KHDRBS2: variants seen among roughly 807,000 people sequenced by gnomAD.
KHDRBS2 encodes the protein KH domain-containing, RNA-binding, signal transduction-associated protein 2.
Under a neutral mutation model 44.3 loss-of-function variants are expected in KHDRBS2, and 26 were observed. The ratio of observed to expected loss-of-function variants is 0.59; its 90% CI spans 0.43 to 0.81. KHDRBS2 has a LOEUF of 0.81. Ranked by LOEUF, KHDRBS2 falls within the 40% of genes least tolerant of loss-of-function variation. The pLI, the probability that KHDRBS2 is intolerant of heterozygous loss-of-function variation, is 0.00. For missense variants in KHDRBS2, 476 were observed against 433.1 expected, an observed-to-expected ratio of 1.10 and a Z score of -0.88; for synonymous variants, 194 against 151.1, an observed-to-expected ratio of 1.28 and a Z score of -2.08.
chr6:61,654,814 G>C, the KHDRBS2 span, among the ~76,000 whole-genome samples: 1 of 151,588 alleles, frequency 6.6e-6, no homozygotes, highest in Non-Finnish European at 1.5e-5. Context: ...CTGGGAACTG[G>C]AACTGTGGCA....
At chr6:61,640,782 C>A in the KHDRBS2 span, among the ~76,000 whole-genome samples, 2 of 152,142 alleles carry the variant, frequency 1.3e-5, no homozygotes, top group Admixed American at 1.3e-4. Flanking sequence ...GAAAACCTTT[C>A]TTGAATAGAC....
chr6:61,985,976 AG>A (rs1774984902), intron 3 of KHDRBS2, among the ~76,000 whole-genome samples: 1 of 152,214 alleles, frequency 6.6e-6, no homozygotes, highest in Non-Finnish European at 1.5e-5. Flanking sequence ...ATAGAACCAT[AG>A]AAACATTGGG....
rs141999532 is a variant in KHDRBS2 at position 61,814,700 on chromosome 6, A to G, written c.810+79935T>C. Among the ~76,000 whole-genome samples the G allele has an allele frequency of 7.5e-3, 1,149 of 152,288 alleles. 8 individuals carry two copies. The highest frequency in any genetic ancestry group is 0.011 in the Non-Finnish European group (780 of 68,016). ...AATTGTATGGGTTTGTTTGGGTTCA[A>G]ATGAGTGTGGTCAGGGGTGGGCATA... is the stretch of plus-strand genomic sequence containing the variant. On this transcript the variant is annotated intron_variant, in intron 6 of 8. Transcript: ENST00000281156.
At chr6:61,641,175 T>TATC in the KHDRBS2 span, among the ~76,000 whole-genome samples, 88 of 152,300 alleles carry the variant, frequency 5.8e-4, no homozygotes, top group Middle Eastern at 3.4e-3. Flanking sequence ...GTAAGTTCTG[T>TATC]ATCAGTCTCT....
intron 2 of KHDRBS2, among the ~76,000 whole-genome samples, chr6:62,073,954 C>T (rs1382740774): frequency 6.6e-6 from 1 of 151,802 alleles, no homozygotes; most frequent in Non-Finnish European, 1.5e-5. Context: ...TGCACTACTG[C>T]ACCAGAACTG....
chr6:62,273,611 T>C (rs1840437758), intron 1 of KHDRBS2, among the ~76,000 whole-genome samples: 1 of 152,194 alleles, frequency 6.6e-6, no homozygotes, highest in African/African-American at 2.4e-5. Flanking sequence ...CTAAGTGTCC[T>C]TTCTATTGCA....
At chr6:61,844,638 G>C (rs766113727) in intron 6 of KHDRBS2, among the ~76,000 whole-genome samples, 34 of 152,166 alleles carry the variant, frequency 2.2e-4, no homozygotes, top group Non-Finnish European at 4.0e-4. Flanking sequence ...TAACTCCAAT[G>C]ACCAGAACAG....
chr6:61,645,780 G>A, the KHDRBS2 span, among the ~76,000 whole-genome samples: 1 of 152,082 alleles, frequency 6.6e-6, no homozygotes, highest in East Asian at 1.9e-4. Context: ...TTAACATCAT[G>A]TTTCCAATAC....
At chr6:62,249,104 T>G (rs1836107677) in intron 1 of KHDRBS2, among the ~76,000 whole-genome samples, 1 of 152,182 alleles carries the variant, frequency 6.6e-6, no homozygotes, top group Non-Finnish European at 1.5e-5. Flanking sequence ...AAAAGATGCT[T>G]TGAAGATGTC....
At chr6:62,240,451 C>G (rs1213301663) in intron 1 of KHDRBS2, among the ~76,000 whole-genome samples, 1 of 151,428 alleles carries the variant, frequency 6.6e-6, no homozygotes, top group Non-Finnish European at 1.5e-5. Context: ...GTTTGTTGCT[C>G]TTGAGGTGTC....
At chr6:61,933,525 G>A (rs1237098997) in intron 4 of KHDRBS2, among the ~76,000 whole-genome samples, 1 of 152,068 alleles carries the variant, frequency 6.6e-6, no homozygotes, top group Admixed American at 6.5e-5. Flanking sequence ...ATGCCATTAG[G>A]TGGTTTCATC....
the KHDRBS2 span, among the ~76,000 whole-genome samples, chr6:61,621,444 C>G: frequency 1.3e-5 from 2 of 152,058 alleles, no homozygotes; most frequent in Non-Finnish European, 2.9e-5. Flanking sequence ...AGAAAGAGCC[C>G]CTTATCTCAT....
intron 6 of KHDRBS2, among the ~76,000 whole-genome samples, chr6:61,882,680 A>G (rs1000806488): frequency 6.6e-6 from 1 of 152,038 alleles, no homozygotes; most frequent in Non-Finnish European, 1.5e-5. Context: ...CCTTTGGATC[A>G]TAAGATATTA....
At chr6:62,138,680 T>G (rs979816262) in intron 2 of KHDRBS2, among the ~76,000 whole-genome samples, 10 of 152,186 alleles carry the variant, frequency 6.6e-5, no homozygotes, top group African/African-American at 2.4e-4. Flanking sequence ...CTAGAGATGG[T>G]TCCCTGTGAA....
At chr6:61,826,410 A>G (rs1017815386) in intron 6 of KHDRBS2, among the ~76,000 whole-genome samples, 2 of 152,052 alleles carry the variant, frequency 1.3e-5, no homozygotes, top group African/African-American at 4.8e-5. Flanking sequence ...CCAAGGTTTG[A>G]CAGTGGCTCC....
At chr6:62,035,362 G>A (rs1282479030) in intron 3 of KHDRBS2, among the ~76,000 whole-genome samples, 4 of 151,954 alleles carry the variant, frequency 2.6e-5, no homozygotes, top group Admixed American at 2.6e-4. Flanking sequence ...GGAAATTGAG[G>A]TGATTATGCC....
At chr6:61,865,403 C>T (rs1245522505) in intron 6 of KHDRBS2, among the ~76,000 whole-genome samples, 2 of 152,038 alleles carry the variant, frequency 1.3e-5, no homozygotes, top group Non-Finnish European at 2.9e-5. Flanking sequence ...TAAGTCATGT[C>T]TTATATGGAT....
intron 3 of KHDRBS2, among the ~76,000 whole-genome samples, chr6:61,983,759 T>C (rs1774459443): frequency 6.6e-6 from 1 of 152,306 alleles, no homozygotes; most frequent in Non-Finnish European, 1.5e-5. Flanking sequence ...GGACTTGTTT[T>C]GCAAACAAGA....
chr6:62,095,860 T>G (rs1329771729), intron 2 of KHDRBS2, among the ~76,000 whole-genome samples: 1 of 151,956 alleles, frequency 6.6e-6, no homozygotes, highest in East Asian at 1.9e-4. Flanking sequence ...GGGTCTATTT[T>G]ATACAGAATT....
Sources: allele counts gnomAD v4.1 joint callset (sites outside exome capture counted in the v4.1 genomes callset), GRCh38; gene constraint gnomAD v4.1.1; transcripts MANE v1.5; gene names NCBI Gene and HGNC (gene_info 2026-07-23, HGNC 2026-07-21).